DCC: variants seen among roughly 807,000 people sequenced by gnomAD.
DCC encodes the protein netrin receptor DCC.
Under a neutral mutation model 172.5 loss-of-function variants are expected in DCC, and 58 were observed. That is an observed-to-expected ratio of 0.34 (90% CI 0.27 to 0.42). The LOEUF (loss-of-function observed/expected upper bound fraction) is 0.42. Ranked by LOEUF, DCC falls within the 10% of genes least tolerant of loss-of-function variation. The probability of loss-of-function intolerance (pLI) is 1.00; values close to 1 mark genes in which losing one functional copy is unlikely to be tolerated. For synonymous variants in DCC, 709 were observed against 644.5 expected (o/e 1.10, Z -1.52); for missense variants, 1,740 against 1,791.0 (o/e 0.97, Z 0.51).
Position 53,486,954 on chromosome 18 carries a change from T to A in DCC, c.3894T>A (p.Ser1298Arg). The stretch of plus-strand genomic sequence containing the variant: ...ACCGAGGTTTCGGAGCAGGAAGAAG[T>A]CAGTGTAATGCATTTTCCTCTCTTT... The part of the protein sequence containing the change: ...SVDRGFGAGR[S>R]QSVSEGPTTQ... Residue 1298 changes from serine (S) to arginine (R), a missense_variant, in exon 26 of 29, where the codon AGT (serine) becomes AGA (arginine). Physicochemically the swap from Ser to Arg is moderately radical, Grantham distance 110. Coordinates refer to ENST00000442544, the MANE Select transcript of DCC (RefSeq NM_005215.4). 1 of 1,614,120 alleles carries A rather than the reference T, an allele frequency of 6.2e-7. No homozygotes were observed. Among genetic ancestry groups the A allele is most frequent in the Non-Finnish European group, 8.5e-7 (1 of 1,180,028 alleles).
At chr18:52,500,126 T>G (rs558139964) in intron 1 of DCC, among the ~76,000 whole-genome samples, 4 of 152,074 alleles carry the variant, frequency 2.6e-5, no homozygotes, top group Admixed American at 6.6e-5. Context: ...TTTTTTTTTT[T>G]GCTCACACCA....
chr18:52,931,065 C>A (rs564946438), intron 5 of DCC, among the ~76,000 whole-genome samples: 55 of 151,926 alleles, frequency 3.6e-4, no homozygotes, highest in Admixed American at 1.1e-3. Context: ...TTAAAGGTCT[C>A]TCATGGACTT....
chr18:52,931,446 A>G (rs1019405956), intron 5 of DCC, among the ~76,000 whole-genome samples: 1 of 152,108 alleles, frequency 6.6e-6, no homozygotes, highest in African/African-American at 2.4e-5. Context: ...TTGCCTTTCA[A>G]CTTGCAGTCC....
intron 1 of DCC, among the ~76,000 whole-genome samples, chr18:52,462,167 A>G: frequency 6.6e-6 from 1 of 152,170 alleles, no homozygotes; most frequent in East Asian, 1.9e-4. Flanking sequence ...ATAAGAAGTG[A>G]TAGTGTATTT....
At chr18:52,748,053 C>T (rs947706066) in intron 1 of DCC, among the ~76,000 whole-genome samples, 14 of 152,184 alleles carry the variant, frequency 9.2e-5, no homozygotes, top group Non-Finnish European at 1.9e-4. Context: ...GACCCCTGAT[C>T]CCACGCCCAC....
intron 1 of DCC, among the ~76,000 whole-genome samples, chr18:52,543,651 T>C (rs1031076877): frequency 2.6e-5 from 4 of 152,160 alleles, no homozygotes; most frequent in African/African-American, 9.7e-5. Flanking sequence ...CAAACCATCA[T>C]AGATCATCTT....
At chr18:52,431,283 T>G (rs920855356) in intron 1 of DCC, among the ~76,000 whole-genome samples, 1 of 151,312 alleles carries the variant, frequency 6.6e-6, no homozygotes, top group African/African-American at 2.4e-5. Flanking sequence ...AGGTAAAGAT[T>G]GATGAAAAAA....
intron 2 of DCC, among the ~76,000 whole-genome samples, chr18:52,893,020 A>T (rs1244510606): frequency 6.6e-6 from 1 of 152,262 alleles, no homozygotes; most frequent in African/African-American, 2.4e-5. Context: ...AGAGGAAAAA[A>T]TTGACTCCTT....
chr18:52,490,095 TA>T (rs1359307230), intron 1 of DCC, among the ~76,000 whole-genome samples: 2 of 152,142 alleles, frequency 1.3e-5, no homozygotes, highest in Non-Finnish European at 2.9e-5. Flanking sequence ...CTTACTAATG[TA>T]AAAATATCAT....
At chr18:52,504,213 T>C (rs974544490) in intron 1 of DCC, among the ~76,000 whole-genome samples, 8 of 152,118 alleles carry the variant, frequency 5.3e-5, no homozygotes, top group Non-Finnish European at 1.0e-4. Flanking sequence ...ACTCTATATC[T>C]GTATCATGGT....
rs753759625 is a variant in DCC at position 52,716,371 on chromosome 18, C to T, written c.92-35683C>T. ...CTCTTGCTCACTTGTCAACCCATGA[C>T]GGACAGTAAAGGGAAGAGGAGGGCC... On this transcript the variant is annotated intron_variant, in intron 1 of 28. Coordinates refer to ENST00000442544, the MANE Select transcript of DCC (RefSeq NM_005215.4). 9.9e-5 allele frequency among the ~76,000 whole-genome samples: 15 copies of T among 152,148 alleles called. No individual in the cohort carries two copies. The East Asian group carries it at 1.4e-3, about 14-fold the overall frequency.
chr18:52,923,806 A>C lies in DCC; in HGVS notation c.797A>C (p.Tyr266Ser), dbSNP rs1341470076. 2 of 1,613,408 alleles carry C rather than the reference A, an allele frequency of 1.2e-6. No individual in the cohort carries two copies. Residue 266 changes from tyrosine to serine, a missense_variant, in exon 4 of 29, where the codon TAT becomes TCT. This residue lies in a region of DCC where 1,732 missense variants were observed against 1,767.4 expected (regional missense o/e 0.98). Coordinates refer to ENST00000442544, the MANE Select transcript of DCC (RefSeq NM_005215.4). ...DAVLECCVSGYPPPSFTWLRG... is the reference protein window; with the variant it reads ...DAVLECCVSGSPPPSFTWLRG... ...GTCCTGGAATGTTGTGTTTCTGGCTATCCTCCACCAAGTTTTACCTGGTTA... is the reference window on the plus strand; with the variant it reads ...GTCCTGGAATGTTGTGTTTCTGGCTCTCCTCCACCAAGTTTTACCTGGTTA...
chr18:53,079,075 T>C (rs1401676276), intron 7 of DCC, among the ~76,000 whole-genome samples: 2 of 152,128 alleles, frequency 1.3e-5, no homozygotes, highest in Non-Finnish European at 2.9e-5. Flanking sequence ...ACTGATTCTT[T>C]CTTTAAGTGA....
At chr18:53,440,107 A>G (rs1912181840) in intron 22 of DCC, among the ~76,000 whole-genome samples, 1 of 152,206 alleles carries the variant, frequency 6.6e-6, no homozygotes, top group African/African-American at 2.4e-5. Context: ...ATTATGGTCC[A>G]CATTCTTAAT....
At chr18:52,762,531 A>G (rs1445642698) in intron 2 of DCC, among the ~76,000 whole-genome samples, 2 of 152,094 alleles carry the variant, frequency 1.3e-5, no homozygotes, top group Admixed American at 6.5e-5. Flanking sequence ...GATAGGTCTC[A>G]GTATATCTGG....
intron 1 of DCC, among the ~76,000 whole-genome samples, chr18:52,610,382 C>CAAAAAAAAAAAAAAAAAAA (rs55715009): frequency 4.0e-5 from 2 of 49,964 alleles, no homozygotes; most frequent in Non-Finnish European, 6.1e-5. Flanking sequence ...TCTGTCTCAA[C>CAAAAAAAAAAAAAAAAAAA]AAAAAAAAAA....
At chr18:52,841,273 CT>C (rs1482575197) in intron 2 of DCC, among the ~76,000 whole-genome samples, 2 of 136,542 alleles carry the variant, frequency 1.5e-5, no homozygotes, top group African/African-American at 5.3e-5. Context: ...GGTGACATAA[CT>C]TGTTTTCTGC....
chr18:52,484,060 A>G (rs1437414116), intron 1 of DCC, among the ~76,000 whole-genome samples: 1 of 152,002 alleles, frequency 6.6e-6, no homozygotes, highest in Admixed American at 6.6e-5. Context: ...TTTAAATTTT[A>G]TTTTGTTTTG....
rs1202698490 is a variant in DCC at position 53,305,644 on chromosome 18, A to C, written c.1978A>C (p.Ile660Leu). ...TQNGFITGYK[I>L]RHRKTTRRGE... ...AAATGGATTTATTACCGGCTATAAA[A>C]TTCGACACAGAAAGACGACCCGCAG... The change falls in exon 13 of 29, where the codon ATT (isoleucine) becomes CTT (leucine). Residue 660 changes from isoleucine to leucine, a missense_variant. Physicochemically the swap from Ile to Leu is conservative, Grantham distance 5 (BLOSUM62 2). This residue lies in a region of DCC where 1,732 missense variants were observed against 1,767.4 expected (regional missense o/e 0.98). Coordinates refer to ENST00000442544, the MANE Select transcript of DCC (RefSeq NM_005215.4). The C allele has an allele frequency of 6.2e-7, 1 of 1,614,044 alleles. No individual in the cohort carries two copies. The highest frequency in any genetic ancestry group is 1.1e-5 in the South Asian group (1 of 91,086).
Sources: gnomAD v4.1 joint callset for allele counts (sites outside exome capture counted in the v4.1 genomes callset) on GRCh38, gnomAD v4.1.1 for gene constraint, gnomAD v4.1.1 regional missense constraint, MANE v1.5 for transcripts, NCBI Gene and HGNC (gene_info 2026-07-23, HGNC 2026-07-21) for gene names.